The following SH3GLB1 variants were observed in gnomAD, a reference collection of about 807,000 sequenced individuals.
SH3GLB1 encodes the protein endophilin-B1.
A neutral mutation model predicts 42.0 loss-of-function variants in SH3GLB1; 17 were observed. The ratio of observed to expected loss-of-function variants is 0.40; its 90% CI spans 0.28 to 0.61. The LOEUF is 0.61. Among genes scored for constraint, SH3GLB1 ranks in the 20% least tolerant of loss-of-function variants. The pLI is 0.36. For synonymous variants in SH3GLB1, 132 were observed against 146.6 expected (o/e 0.90, Z 0.72); for missense variants, 355 against 426.3 (o/e 0.83, Z 1.47).
chr1:86,704,729 G>C lies in SH3GLB1; in HGVS notation c.-171G>C, dbSNP rs1482915484. On this transcript the variant is annotated 5_prime_UTR_variant, in exon 1 of 9. Transcript: ENST00000370558. ...CGCGCTTGTTCTCCTCCCTCGCCCC[G>C]CCTTCATCCTCCCCGTTCACGGAAA... 1 of 475,472 alleles carries C rather than the reference G, an allele frequency of 2.1e-6. No homozygotes were observed. The highest frequency in any genetic ancestry group is 3.7e-6 in the Non-Finnish European group (1 of 269,430). The allele number at this position is 475,472 out of a possible 1,614,324, so 29.5% of individuals were successfully genotyped here.
At chr1:86,724,212 A>G (rs1344215852) in intron 4 of SH3GLB1, 101 bp from the exon 5 acceptor site, 4 of 748,830 alleles carry the variant, frequency 5.3e-6, no homozygotes, top group Non-Finnish European at 6.1e-6. Flanking sequence ...ATCTTTATCA[A>G]GTGATACATA....
chr1:86,707,109 A>T (rs1653913871), intron 1 of SH3GLB1, among the ~76,000 whole-genome samples: 1 of 152,224 alleles, frequency 6.6e-6, no homozygotes, highest in South Asian at 2.1e-4. Flanking sequence ...GCTTGTAAAT[A>T]CATCAGGTGG....
intron 1 of SH3GLB1, among the ~76,000 whole-genome samples, chr1:86,713,739 TCCTCTC>T (rs1288256056): frequency 6.6e-6 from 1 of 152,144 alleles, no homozygotes; most frequent in Non-Finnish European, 1.5e-5. Flanking sequence ...CTCTCCCTCT[TCCTCTC>T]CCTGAAGAAT....
chr1:86,706,340 C>G (rs973681297), intron 1 of SH3GLB1, among the ~76,000 whole-genome samples: 2 of 152,180 alleles, frequency 1.3e-5, no homozygotes, highest in Admixed American at 6.5e-5. Flanking sequence ...CTGAGCATTT[C>G]CATATCAACA....
rs1558346078 is a variant in SH3GLB1, at chr1:86,744,364, A to T, written c.*1129A>T. The T allele has an allele frequency of 6.6e-6, 1 of 152,176 alleles. No individual in the cohort carries two copies. The highest frequency in any genetic ancestry group is 6.5e-5 in the Admixed American group (1 of 15,278). 9.4% of individuals were successfully genotyped at this position (152,176 alleles called of 1,614,324 possible). ...CAGATACTGTGCTGGTCAACTGGGG[A>T]TACTGTCCTGAACAATATGCACACA... On this transcript the variant is annotated 3_prime_UTR_variant, in exon 9 of 9. Coordinates refer to ENST00000370558, the MANE Select transcript of SH3GLB1 (RefSeq NM_016009.5).
chr1:86,730,281 C>T (rs1655432557), intron 5 of SH3GLB1: 2 of 985,290 alleles, frequency 2.0e-6, no homozygotes, highest in Non-Finnish European at 2.4e-6. Context: ...ATAGAAGCTC[C>T]ACCAAGCAGT....
At chr1:86,724,892 A>AATATATATATATATAT (rs58927851) in intron 5 of SH3GLB1, among the ~76,000 whole-genome samples, 23 of 99,602 alleles carry the variant, frequency 2.3e-4, no homozygotes, top group Non-Finnish European at 3.3e-4. Context: ...AAAAAAAAAA[A>AATATATATATATATAT]ATATATATAT....
intron 1 of SH3GLB1, 59 bp from the exon 2 acceptor site, chr1:86,715,665 T>TA (rs1025381100): frequency 6.6e-7 from 1 of 1,510,702 alleles, no homozygotes; most frequent in African/African-American, 1.4e-5. Flanking sequence ...TACTTATTGA[T>TA]ATGGTTCCCT....
chr1:86,724,892 A>AAAAATATATATATATATAT (rs1291454820), intron 5 of SH3GLB1, among the ~76,000 whole-genome samples: 1 of 99,700 alleles, frequency 1.0e-5, no homozygotes, highest in Non-Finnish European at 1.8e-5. Flanking sequence ...AAAAAAAAAA[A>AAAAATATATATATATATAT]ATATATATAT....
Position 86,704,687 on chromosome 1 carries a change from C to T in SH3GLB1, c.-213C>T. 1 of 434,678 alleles carries T rather than the reference C, an allele frequency of 2.3e-6. No individual in the cohort carries two copies. Among genetic ancestry groups the T allele is most frequent in the Non-Finnish European group, 4.1e-6 (1 of 242,340 alleles). The allele number at this position is 434,678 out of a possible 1,614,324, so 26.9% of individuals were successfully genotyped here. On this transcript the variant is annotated 5_prime_UTR_variant, in exon 1 of 9. Coordinates refer to ENST00000370558, the MANE Select transcript of SH3GLB1 (RefSeq NM_016009.5). The stretch of plus-strand genomic sequence containing the variant: ...CCGTTCTCCGAGCCGACTGACCCAT[C>T]CTTGGCGCTGCCGCCGCGCGCTTGT...
intron 5 of SH3GLB1, among the ~76,000 whole-genome samples, chr1:86,724,700 C>G (rs1365810241): frequency 2.6e-5 from 4 of 151,292 alleles, no homozygotes. Context: ...TGGCACAGCC[C>G]CGTCTCTCTA....
chr1:86,738,286 G>A (rs1030326309), intron 7 of SH3GLB1, among the ~76,000 whole-genome samples: 1 of 151,946 alleles, frequency 6.6e-6, no homozygotes, highest in African/African-American at 2.4e-5. Context: ...GTTTTTTTGA[G>A]ACAGAGTCTT....
At chr1:86,717,993 TA>T (rs1232878982) in intron 2 of SH3GLB1, among the ~76,000 whole-genome samples, 1 of 151,922 alleles carries the variant, frequency 6.6e-6, no homozygotes, top group Non-Finnish European at 1.5e-5. Flanking sequence ...TTTGGCCAGA[TA>T]GGTGGAAAAG....
At chr1:86,736,980 T>C (rs1558334051) in intron 7 of SH3GLB1, among the ~76,000 whole-genome samples, 1 of 152,198 alleles carries the variant, frequency 6.6e-6, no homozygotes, top group Non-Finnish European at 1.5e-5. Context: ...GCAATAACAG[T>C]ACCAACAGGT....
chr1:86,728,589 T>A (rs1655330069), intron 5 of SH3GLB1: 5 of 587,292 alleles, frequency 8.5e-6, no homozygotes, highest in Non-Finnish European at 1.1e-5. Flanking sequence ...ATGTATTCAT[T>A]TATCTTTAAC....
chr1:86,704,876 G>A lies in SH3GLB1; in HGVS notation c.-24G>A. On this transcript the variant is annotated 5_prime_UTR_variant, in exon 1 of 9. Transcript: ENST00000370558. Reference sequence around the variant, plus strand: ...CCGCCTCGCCGCCGCTAGGTCGGCCGGCTCCGCCCGGCTGCCGCCTAGGAT... The same window carrying A: ...CCGCCTCGCCGCCGCTAGGTCGGCCAGCTCCGCCCGGCTGCCGCCTAGGAT... The A allele has an allele frequency of 6.5e-7, 1 of 1,539,810 alleles. No individual in the cohort carries two copies. The highest frequency in any genetic ancestry group is 8.8e-7 in the Non-Finnish European group (1 of 1,142,706).
At chr1:86,730,208 A>G in intron 5 of SH3GLB1, 1 of 1,504,328 alleles carries the variant, frequency 6.6e-7, no homozygotes, top group Non-Finnish European at 8.9e-7. Context: ...GTCCAGTCAC[A>G]GTCTGTGTTA....
intron 5 of SH3GLB1, among the ~76,000 whole-genome samples, chr1:86,729,687 T>C (rs1348480973): frequency 1.3e-5 from 2 of 152,096 alleles, no homozygotes; most frequent in African/African-American, 4.8e-5. Context: ...ATTGTTTCTC[T>C]CCAAAAAGAC....
chr1:86,736,680 G>A (rs1371629731), intron 7 of SH3GLB1, among the ~76,000 whole-genome samples: 1 of 152,108 alleles, frequency 6.6e-6, no homozygotes, highest in African/African-American at 2.4e-5. Flanking sequence ...ACAAAATCCA[G>A]TTGTTGCGTT....
Sources: allele counts gnomAD v4.1 joint callset (sites outside exome capture counted in the v4.1 genomes callset), GRCh38; gene constraint gnomAD v4.1.1; transcripts MANE v1.5; gene names NCBI Gene and HGNC (gene_info 2026-07-23, HGNC 2026-07-21).